Variants in SLC24A2 observed in about 807,000 individuals in gnomAD.
SLC24A2 encodes sodium/potassium/calcium exchanger 2.
A neutral mutation model predicts 62.0 loss-of-function variants in SLC24A2; 36 were observed. The ratio of observed to expected loss-of-function variants is 0.58; its 90% confidence interval spans 0.44 to 0.77. The LOEUF is 0.77. SLC24A2 is among the 30% of genes least tolerant of loss of function. The pLI, the probability that SLC24A2 is intolerant of heterozygous loss-of-function variation, is 0.00. For missense variants in SLC24A2, 846 were observed against 817.9 expected, an observed-to-expected ratio of 1.03 and a Z score of -0.42; for synonymous variants, 358 against 294.0, an observed-to-expected ratio of 1.22 and a Z score of -2.23.
chr9:19,679,998 T>C (rs1247255773), intron 2 of SLC24A2, among the ~76,000 whole-genome samples: 1 of 152,082 alleles, frequency 6.6e-6, no homozygotes, highest in East Asian at 1.9e-4. Context: ...TCATTGCAAA[T>C]GCATCTAACA....
the SLC24A2 span, among the ~76,000 whole-genome samples, chr9:20,116,893 C>G: frequency 6.6e-6 from 1 of 152,088 alleles, no homozygotes; most frequent in East Asian, 1.9e-4. Context: ...GAAACAAAAG[C>G]AGCCACAGTC....
At chr9:20,234,508 G>C in the SLC24A2 span, among the ~76,000 whole-genome samples, 1 of 152,090 alleles carries the variant, frequency 6.6e-6, no homozygotes. Flanking sequence ...CTTTCTTCCA[G>C]TTGATCGCAT....
intron 7 of SLC24A2, among the ~76,000 whole-genome samples, chr9:19,562,118 G>A (rs1210876885): frequency 2.0e-5 from 3 of 152,168 alleles, no homozygotes; most frequent in African/African-American, 7.2e-5. Flanking sequence ...TTATGGATGA[G>A]ACTGATTTCT....
the SLC24A2 span, among the ~76,000 whole-genome samples, chr9:20,095,402 T>G: frequency 1.3e-5 from 2 of 152,214 alleles, no homozygotes; most frequent in Non-Finnish European, 2.9e-5. Context: ...AAGTGTGTTT[T>G]GGGATGAGAT....
intron 2 of SLC24A2, among the ~76,000 whole-genome samples, chr9:19,655,735 C>G (rs555080374): frequency 6.6e-6 from 1 of 152,058 alleles, no homozygotes; most frequent in African/African-American, 2.4e-5. Context: ...CACAAGAAGG[C>G]TGGTGGATAA....
chr9:20,112,292 G>A, the SLC24A2 span, among the ~76,000 whole-genome samples: 39 of 152,298 alleles, frequency 2.6e-4, no homozygotes, highest in South Asian at 2.3e-3. Flanking sequence ...TCTGGCTGCA[G>A]AAAGCAAGGC....
the SLC24A2 span, among the ~76,000 whole-genome samples, chr9:19,914,946 A>G: frequency 6.6e-6 from 1 of 150,388 alleles, no homozygotes; most frequent in Non-Finnish European, 1.5e-5. Context: ...TAATAATTTA[A>G]AAAAAAGATT....
At chr9:19,985,322 A>G in the SLC24A2 span, among the ~76,000 whole-genome samples, 1 of 152,196 alleles carries the variant, frequency 6.6e-6, no homozygotes, top group African/African-American at 2.4e-5. Context: ...ACAAAAGCCA[A>G]ACATTAGAAA....
chr9:20,141,124 T>G, the SLC24A2 span, among the ~76,000 whole-genome samples: 2 of 152,160 alleles, frequency 1.3e-5, no homozygotes, highest in African/African-American at 4.8e-5. Flanking sequence ...TGTGTAAGCT[T>G]GGGCAAGTTT....
upstream of SLC24A2, among the ~76,000 whole-genome samples, chr9:19,792,354 G>A (rs1382264969): frequency 6.6e-6 from 1 of 151,786 alleles, no homozygotes; most frequent in Non-Finnish European, 1.5e-5. Context: ...CAGTCTCAAG[G>A]GAAAAAAATT....
the SLC24A2 span, among the ~76,000 whole-genome samples, chr9:20,166,902 C>A: frequency 6.6e-6 from 1 of 152,012 alleles, no homozygotes; most frequent in Non-Finnish European, 1.5e-5. Context: ...AACACAGTGG[C>A]ACAATCATAG....
At chr9:19,912,211 G>A in the SLC24A2 span, among the ~76,000 whole-genome samples, 1 of 152,064 alleles carries the variant, frequency 6.6e-6, no homozygotes, top group African/African-American at 2.4e-5. Flanking sequence ...ACAAATGTCA[G>A]AGCTGGAAAG....
chr9:19,704,115 T>A (rs1050439883), intron 2 of SLC24A2, among the ~76,000 whole-genome samples: 1 of 150,656 alleles, frequency 6.6e-6, no homozygotes, highest in Non-Finnish European at 1.5e-5. Context: ...ACGTGATCTG[T>A]GGACCAATAT....
chr9:20,006,722 C>T, the SLC24A2 span, among the ~76,000 whole-genome samples: 2 of 152,164 alleles, frequency 1.3e-5, no homozygotes, highest in Non-Finnish European at 2.9e-5. Context: ...GACTACCATG[C>T]TCTTTGAAAT....
At chr9:19,618,378 G>A (rs1329635652) in intron 4 of SLC24A2, among the ~76,000 whole-genome samples, 2 of 152,184 alleles carry the variant, frequency 1.3e-5, no homozygotes, top group African/African-American at 4.8e-5. Flanking sequence ...ATTACCTCTA[G>A]TAAACAGATC....
At chr9:20,283,649 G>C in the SLC24A2 span, among the ~76,000 whole-genome samples, 1 of 150,874 alleles carries the variant, frequency 6.6e-6, no homozygotes, top group African/African-American at 2.4e-5. Flanking sequence ...AGCAAGAATG[G>C]AAGTCTATTT....
chr9:19,796,053 T>C, the SLC24A2 span, among the ~76,000 whole-genome samples: 6 of 137,198 alleles, frequency 4.4e-5, no homozygotes, highest in Non-Finnish European at 6.0e-5. Context: ...TTGTCACTCA[T>C]AGGTGGGAAT....
At chr9:20,007,138 C>T in the SLC24A2 span, among the ~76,000 whole-genome samples, 1 of 152,056 alleles carries the variant, frequency 6.6e-6, no homozygotes, top group South Asian at 2.1e-4. Context: ...GAATTATGCC[C>T]ACAGTAAGAA....
At position 19,513,293 on chromosome 9, in the gene SLC24A2, G is replaced by T. The variant is rs997893354; in HGVS notation, c.*2860C>A. The stretch of plus-strand genomic sequence containing the variant: ...GGAAAGTTCTTATAATTATGCCAAT[G>T]ATTTGAATGGTTTAAAGACCCATTG... On this transcript the variant is annotated 3_prime_UTR_variant, in exon 11 of 11. Coordinates refer to ENST00000341998, the MANE Select transcript of SLC24A2 (RefSeq NM_020344.4). The T allele has an allele frequency of 6.6e-6, 1 of 151,546 alleles. No individual in the cohort carries two copies. The highest frequency in any genetic ancestry group is 1.5e-5 in the Non-Finnish European group (1 of 67,972). 9.4% of individuals were successfully genotyped at this position (151,546 alleles called of 1,614,324 possible). A position where few individuals can be genotyped will look rare whatever the true frequency, so the allele number is the denominator to read the frequency against.
Sources: gnomAD v4.1 joint callset for allele counts (sites outside exome capture counted in the v4.1 genomes callset) on GRCh38, gnomAD v4.1.1 for gene constraint, MANE v1.5 for transcripts, NCBI Gene and HGNC (gene_info 2026-07-23, HGNC 2026-07-21) for gene names.